GRIP1: variants seen among roughly 807,000 people sequenced by gnomAD.
GRIP1 encodes the protein glutamate receptor-interacting protein 1.
Under a neutral mutation model 129.9 loss-of-function variants are expected in GRIP1, and 45 were observed. The observed-to-expected ratio is 0.35, with a 90% CI of 0.27 to 0.44. GRIP1 has a LOEUF of 0.44. GRIP1 is among the 20% of genes least tolerant of loss of function. The probability of loss-of-function intolerance (pLI) is 1.00; values close to 1 mark genes in which losing one functional copy is unlikely to be tolerated. For synonymous variants in GRIP1, 530 were observed against 520.8 expected (o/e 1.02, Z -0.24); for missense variants, 1,196 against 1,396.8 (o/e 0.86, Z 2.29).
chr12:67,032,289 C>A (rs2043034262), intron 1 of GRIP1, among the ~76,000 whole-genome samples: 1 of 152,050 alleles, frequency 6.6e-6, no homozygotes, highest in South Asian at 2.1e-4. Context: ...ATTTATTCTC[C>A]CCTCATCTTG....
intron 14 of GRIP1, among the ~76,000 whole-genome samples, chr12:66,424,337 G>A (rs761342139): frequency 4.3e-4 from 66 of 152,044 alleles, no homozygotes; most frequent in Admixed American, 3.3e-3. Flanking sequence ...AAATATACAT[G>A]CATACAATTT....
intron 1 of GRIP1, among the ~76,000 whole-genome samples, chr12:66,824,638 T>C (rs918236517): frequency 7.2e-5 from 11 of 152,262 alleles, no homozygotes; most frequent in African/African-American, 1.9e-4. Flanking sequence ...CTGTGGTTTA[T>C]ATAGAGGAAG....
chr12:66,641,046 T>TATTAACTATACATAG (rs2031878362), intron 1 of GRIP1, among the ~76,000 whole-genome samples: 1 of 152,200 alleles, frequency 6.6e-6, no homozygotes, highest in African/African-American at 2.4e-5. Context: ...GGAGGCTGAG[T>TATTAACTATACATAG]ATTAACTATA....
Position 66,432,631 on chromosome 12 carries a change from A to G in GRIP1, c.1688-3T>C, listed in dbSNP as rs185129168. On this transcript the variant is annotated splice_region_variant and splice_polypyrimidine_tract_variant and intron_variant, in intron 13 of 24. Coordinates refer to ENST00000359742, the MANE Select transcript of GRIP1 (RefSeq NM_001366722.1). The stretch of plus-strand genomic sequence containing the variant: ...TCCACTACTTGGGATGACAGACTCT[A>G]ATATCAAAACAAAAAAGAATGTGTT... 1.6e-4 allele frequency: 256 copies of G among 1,565,064 alleles called. No individual in the cohort carries two copies. In the East Asian group the frequency reaches 5.4e-3, roughly 33 times the overall value.
intron 1 of GRIP1, among the ~76,000 whole-genome samples, chr12:66,959,855 T>C (rs1367187709): frequency 6.6e-6 from 1 of 152,170 alleles, no homozygotes; most frequent in East Asian, 1.9e-4. Flanking sequence ...AATATAAGCA[T>C]GCATACACAA....
At chr12:66,448,024 T>A (rs1390409194) in intron 11 of GRIP1, among the ~76,000 whole-genome samples, 3 of 152,166 alleles carry the variant, frequency 2.0e-5, no homozygotes, top group Non-Finnish European at 2.9e-5. Flanking sequence ...AGTTCCATCC[T>A]CCAAGTCTTT....
chr12:67,001,410 CTG>C (rs1295901421), intron 1 of GRIP1, among the ~76,000 whole-genome samples: 2 of 152,182 alleles, frequency 1.3e-5, no homozygotes, highest in African/African-American at 4.8e-5. Flanking sequence ...TAAATATTTT[CTG>C]TGAGACCCTG....
rs763263103 is a variant in GRIP1, at chr12:66,704,087, T to A, written c.-419-73751A>T. 1.6e-4 allele frequency among the ~76,000 whole-genome samples: 25 copies of A among 152,176 alleles called. No homozygotes were observed. In the East Asian group the frequency reaches 3.3e-3, roughly 20 times the overall value. ...AATATAGTAGATGACAATAAAAGGATATATTTATATCAAAGATATAGATGG... is the reference window on the plus strand; with the variant it reads ...AATATAGTAGATGACAATAAAAGGAAATATTTATATCAAAGATATAGATGG... On this transcript the variant is annotated intron_variant, in intron 1 of 4. Transcript: ENST00000538373.
intron 16 of GRIP1, among the ~76,000 whole-genome samples, chr12:66,403,412 C>A (rs1428149590): frequency 6.6e-6 from 1 of 150,880 alleles, no homozygotes; most frequent in African/African-American, 2.4e-5. Flanking sequence ...GTTTTTTTTT[C>A]CTCCCTTACT....
intron 1 of GRIP1, among the ~76,000 whole-genome samples, chr12:66,624,985 T>C (rs888591727): frequency 3.4e-5 from 5 of 148,422 alleles, no homozygotes; most frequent in African/African-American, 1.3e-4. Context: ...TACTTTTAGA[T>C]CATGTATTTC....
intron 1 of GRIP1, among the ~76,000 whole-genome samples, chr12:66,797,737 C>T (rs966953258): frequency 6.6e-6 from 1 of 152,098 alleles, no homozygotes; most frequent in Non-Finnish European, 1.5e-5. Context: ...ACCTAGAGAC[C>T]TTAAGGACTG....
intron 1 of GRIP1, among the ~76,000 whole-genome samples, chr12:66,857,775 G>T (rs543953286): frequency 2.0e-5 from 3 of 152,098 alleles, no homozygotes; most frequent in African/African-American, 4.8e-5. Context: ...ACAAGAATAA[G>T]AGTAGTAAGC....
At chr12:66,934,027 CACA>C (rs1379451036) in intron 1 of GRIP1, among the ~76,000 whole-genome samples, 23 of 152,178 alleles carry the variant, frequency 1.5e-4, no homozygotes, top group Non-Finnish European at 2.6e-4. Flanking sequence ...CATGTTCTCT[CACA>C]ATTCATATTC....
chr12:66,427,510 T>C (rs2058023879), intron 14 of GRIP1, among the ~76,000 whole-genome samples: 1 of 152,142 alleles, frequency 6.6e-6, no homozygotes, highest in South Asian at 2.1e-4. Context: ...GAAGATACAA[T>C]ACTGAGAACT....
chr12:66,972,691 T>G (rs192909543), intron 1 of GRIP1, among the ~76,000 whole-genome samples: 318 of 152,328 alleles, frequency 2.1e-3, no homozygotes, highest in African/African-American at 7.4e-3. Context: ...CAAGCTTTTC[T>G]TTTTCTAGCT....
Position 66,601,778 on chromosome 12 carries a change from C to T in GRIP1, c.56-4851G>A, listed in dbSNP as rs536654926. Among the ~76,000 whole-genome samples the T allele has an allele frequency of 2.0e-5, 3 of 152,280 alleles. No homozygotes were observed. The South Asian group carries it at 6.2e-4, about 32-fold the overall frequency. On this transcript the variant is annotated intron_variant, in intron 1 of 24. Transcript: ENST00000359742. ...GTCCTTACAAACTTGAAAGAAAAGT[C>T]TGGTTTCCATTAATGAACAAAATAA...
intron 15 of GRIP1, among the ~76,000 whole-genome samples, chr12:66,416,472 T>C (rs1487912243): frequency 1.3e-5 from 2 of 152,004 alleles, no homozygotes; most frequent in Non-Finnish European, 2.9e-5. Flanking sequence ...AACAAAATGT[T>C]TTTAAAAAGG....
At chr12:66,824,105 G>A (rs562703508) in intron 1 of GRIP1, among the ~76,000 whole-genome samples, 1 of 152,210 alleles carries the variant, frequency 6.6e-6, no homozygotes, top group African/African-American at 2.4e-5. Flanking sequence ...ATGATGTGAT[G>A]TAACCGTGGC....
At chr12:66,478,934 C>G (rs151105441) in intron 7 of GRIP1, among the ~76,000 whole-genome samples, 5 of 151,796 alleles carry the variant, frequency 3.3e-5, no homozygotes, top group Non-Finnish European at 7.4e-5. Context: ...GTGTAAATGA[C>G]GAGTTAATGG....
Sources: gnomAD v4.1 joint callset for allele counts (sites outside exome capture counted in the v4.1 genomes callset) on GRCh38, gnomAD v4.1.1 for gene constraint, MANE v1.5 for transcripts, NCBI Gene and HGNC (gene_info 2026-07-23, HGNC 2026-07-21) for gene names.